Variants in TENM3 observed in about 807,000 individuals in gnomAD.
TENM3 encodes teneurin-3.
A neutral mutation model predicts 255.1 loss-of-function variants in TENM3; 63 were observed. The observed-to-expected ratio is 0.25, with a 90% confidence interval of 0.20 to 0.30. TENM3 has a LOEUF of 0.30. Ranked by LOEUF, TENM3 falls within the 10% of genes least tolerant of loss-of-function variation. TENM3 has a pLI of 1.00. For missense variants in TENM3, 2,929 were observed against 3,461.1 expected (o/e 0.85, Z 3.86); for synonymous variants, 1,306 against 1,322.3 (o/e 0.99, Z 0.27).
At chr4:181,456,435 G>T in the TENM3 span, among the ~76,000 whole-genome samples, 1 of 151,840 alleles carries the variant, frequency 6.6e-6, no homozygotes, top group Non-Finnish European at 1.5e-5. Flanking sequence ...ACGAACGAGG[G>T]CTTAGAAAAT....
At chr4:182,542,341 A>T (rs752822406) in intron 3 of TENM3, among the ~76,000 whole-genome samples, 4 of 152,154 alleles carry the variant, frequency 2.6e-5, no homozygotes, top group African/African-American at 7.2e-5. Context: ...TGTTTCTGCC[A>T]AGTACCTGAG....
chr4:181,696,508 C>A, the TENM3 span, among the ~76,000 whole-genome samples: 33 of 152,234 alleles, frequency 2.2e-4, 1 homozygote, highest in African/African-American at 7.5e-4. Flanking sequence ...TTAATAGCAC[C>A]GCAGATTTAT....
chr4:181,695,658 T>C, the TENM3 span, among the ~76,000 whole-genome samples: 1 of 152,182 alleles, frequency 6.6e-6, no homozygotes, highest in African/African-American at 2.4e-5. Flanking sequence ...TATCTTCTCC[T>C]AGGGCAGAGA....
the TENM3 span, among the ~76,000 whole-genome samples, chr4:181,582,702 A>G: frequency 1.3e-5 from 2 of 151,892 alleles, no homozygotes; most frequent in Non-Finnish European, 2.9e-5. Flanking sequence ...AAAGAAAAGA[A>G]AAGAAAACTC....
intron 3 of TENM3, among the ~76,000 whole-genome samples, chr4:182,373,650 G>A (rs182154420): frequency 1.3e-5 from 2 of 152,164 alleles, no homozygotes; most frequent in African/African-American, 2.4e-5. Flanking sequence ...CCTCCCACAC[G>A]GCTCCACCTC....
the TENM3 span, among the ~76,000 whole-genome samples, chr4:181,516,379 AAAAG>A: frequency 6.9e-4 from 104 of 151,630 alleles, no homozygotes; most frequent in Non-Finnish European, 1.2e-3. Context: ...AAAAAAAAAA[AAAAG>A]AAAGAAAGAG....
At chr4:181,907,736 G>A in the TENM3 span, among the ~76,000 whole-genome samples, 79 of 152,206 alleles carry the variant, frequency 5.2e-4, no homozygotes, top group African/African-American at 1.9e-3. Context: ...CCCATCTGGG[G>A]CAGCCAACGC....
chr4:181,574,569 C>T, the TENM3 span, among the ~76,000 whole-genome samples: 1 of 151,866 alleles, frequency 6.6e-6, no homozygotes, highest in Non-Finnish European at 1.5e-5. Context: ...TCCAGTTTAT[C>T]AGGATATGAT....
chr4:182,221,608 A>G (rs1293058161), intron 1 of TENM3, among the ~76,000 whole-genome samples: 1 of 152,192 alleles, frequency 6.6e-6, no homozygotes, highest in African/African-American at 2.4e-5. Flanking sequence ...CTTTCAATAT[A>G]TATACCATCC....
chr4:182,162,796 G>C (rs1163619790), intron 1 of TENM3, among the ~76,000 whole-genome samples: 2 of 152,142 alleles, frequency 1.3e-5, no homozygotes, highest in Non-Finnish European at 2.9e-5. Flanking sequence ...AAAGGGCTTA[G>C]CTAGTCCCTC....
At chr4:182,198,638 C>T (rs553908987) in intron 1 of TENM3, among the ~76,000 whole-genome samples, 24 of 152,300 alleles carry the variant, frequency 1.6e-4, no homozygotes, top group East Asian at 9.7e-4. Context: ...GAAAAGTCAG[C>T]GGCAATGGAA....
At chr4:182,411,664 G>A (rs1016189791) in intron 3 of TENM3, among the ~76,000 whole-genome samples, 1 of 152,148 alleles carries the variant, frequency 6.6e-6, no homozygotes, top group Non-Finnish European at 1.5e-5. Flanking sequence ...GAGGGGAGGG[G>A]CGTGGAACTT....
At chr4:181,743,692 C>G in the TENM3 span, among the ~76,000 whole-genome samples, 3 of 151,860 alleles carry the variant, frequency 2.0e-5, no homozygotes, top group Admixed American at 6.6e-5. Context: ...AAAGGGGGGG[C>G]CACACATAAA....
chr4:182,293,022 G>A (rs1030475745), intron 1 of TENM3, among the ~76,000 whole-genome samples: 3 of 152,182 alleles, frequency 2.0e-5, no homozygotes, highest in African/African-American at 7.2e-5. Flanking sequence ...CACTCTAGCT[G>A]CCTTCACTGA....
At chr4:182,155,954 T>C (rs7667285) in intron 1 of TENM3, among the ~76,000 whole-genome samples, 42,836 of 151,680 alleles carry the variant, frequency 0.28, 6,629 homozygotes, top group Admixed American at 0.38. Context: ...TCCCTTTCTT[T>C]ATTATTCTAA....
chr4:182,482,220 G>A (rs1009615838), intron 3 of TENM3, among the ~76,000 whole-genome samples: 4 of 152,090 alleles, frequency 2.6e-5, no homozygotes, highest in African/African-American at 9.7e-5. Flanking sequence ...GTTTTGAAGG[G>A]TAACTCTTAT....
chr4:182,169,212 G>C (rs1751937682), intron 1 of TENM3: 1 of 462,270 alleles, frequency 2.2e-6, no homozygotes, highest in African/African-American at 2.0e-5. Context: ...GATTTTTGAA[G>C]CCTGCAGTCT....
chr4:182,517,714 A>G (rs1316669716), intron 3 of TENM3, among the ~76,000 whole-genome samples: 1 of 152,316 alleles, frequency 6.6e-6, no homozygotes, highest in Middle Eastern at 3.4e-3. Flanking sequence ...AATAGATAAT[A>G]GTCAACATAG....
intron 24 of TENM3, among the ~76,000 whole-genome samples, chr4:182,781,398 G>C (rs1266560119): frequency 1.4e-5 from 2 of 147,786 alleles, no homozygotes; most frequent in African/African-American, 2.5e-5. Flanking sequence ...TGCATCCCAG[G>C]GATGAAGCCC....
Sources: allele counts gnomAD v4.1 joint callset (sites outside exome capture counted in the v4.1 genomes callset), GRCh38; gene constraint gnomAD v4.1.1; transcripts MANE v1.5; gene names NCBI Gene and HGNC (gene_info 2026-07-23, HGNC 2026-07-21).